Variants in WBP2NL observed in about 807,000 individuals in gnomAD.
WBP2NL encodes WBP2 N-terminal like.
In WBP2NL, 27 loss-of-function variants were observed where a neutral mutation model predicts 23.3. The ratio of observed to expected loss-of-function variants is 1.16; its 90% CI spans 0.85 to 1.60. The LOEUF (loss-of-function observed/expected upper bound fraction) is 1.60, where lower values mean the gene tolerates loss of function less well. Among genes scored for constraint, WBP2NL ranks in the 40% most tolerant of loss-of-function variants. The probability of loss-of-function intolerance (pLI) is 0.00; values close to 1 mark genes in which losing one functional copy is unlikely to be tolerated. For synonymous variants in WBP2NL, 151 were observed against 145.9 expected, an observed-to-expected ratio of 1.03 and a Z score of -0.25; for missense variants, 370 against 389.5, an observed-to-expected ratio of 0.95 and a Z score of 0.42.
chr22:41,999,422 G>T (rs1374025580), intron 1 of WBP2NL, among the ~76,000 whole-genome samples: 1 of 152,162 alleles, frequency 6.6e-6, no homozygotes, highest in Non-Finnish European at 1.5e-5. Context: ...CTTGGACCTG[G>T]AAACTTTCTA....
downstream of WBP2NL, among the ~76,000 whole-genome samples, chr22:42,029,743 T>C (rs368247942): frequency 6.6e-6 from 1 of 152,242 alleles, no homozygotes; most frequent in African/African-American, 2.4e-5. Flanking sequence ...TACATTTTCA[T>C]AGGTTTTGAA....
chr22:42,027,720 A>C lies in WBP2NL; in HGVS notation c.*539A>C. ...TTGAGGAGACCAAAACCAACAAATA[A>C]AAGCATGATAAATTGACTATATCAA... is the stretch of plus-strand genomic sequence containing the variant. On this transcript the variant is annotated 3_prime_UTR_variant, in exon 6 of 6. Transcript: ENST00000328823. The C allele has an allele frequency of 2.8e-6, 1 of 358,372 alleles. No homozygotes were observed. Among genetic ancestry groups the C allele is most frequent in the Non-Finnish European group, 5.0e-6 (1 of 201,992 alleles). The allele number at this position is 358,372 out of a possible 1,614,324, so 22.2% of individuals were successfully genotyped here.
chr22:42,022,218 A>T (rs1279301915), intron 4 of WBP2NL, 31 bp from the exon 5 acceptor site: 6 of 1,565,232 alleles, frequency 3.8e-6, no homozygotes, highest in Middle Eastern at 3.4e-4. Flanking sequence ...TAATTAAAAG[A>T]GTTCCTATTT....
At chr22:42,005,953 A>G (rs1602440274) in intron 1 of WBP2NL, among the ~76,000 whole-genome samples, 1 of 152,352 alleles carries the variant, frequency 6.6e-6, no homozygotes, top group Non-Finnish European at 1.5e-5. Context: ...ATGTCATGGC[A>G]ACAGTTTTTT....
chr22:42,033,384 G>C (rs61708402), downstream of WBP2NL, among the ~76,000 whole-genome samples: 3 of 152,214 alleles, frequency 2.0e-5, no homozygotes, highest in Non-Finnish European at 2.9e-5. Context: ...CCAAAGGGCT[G>C]CAGCTCTTCT....
At chr22:42,055,745 A>G (rs1294721899) in intron 8 of WBP2NL, among the ~76,000 whole-genome samples, 1 of 152,064 alleles carries the variant, frequency 6.6e-6, no homozygotes, top group Non-Finnish European at 1.5e-5. Flanking sequence ...GTGTAAAATT[A>G]TATCTTTTTT....
intron 1 of WBP2NL, among the ~76,000 whole-genome samples, chr22:42,000,407 T>C (rs988522175): frequency 1.3e-5 from 2 of 152,182 alleles, no homozygotes; most frequent in African/African-American, 4.8e-5. Context: ...CATTCCATGG[T>C]GTGAAGCCTT....
At chr22:42,001,992 G>T in intron 1 of WBP2NL, 2 of 966,940 alleles carry the variant, frequency 2.1e-6, no homozygotes, top group Non-Finnish European at 2.9e-6. Context: ...AGGCTGCTGT[G>T]GGATGGGACT....
intron 8 of WBP2NL, among the ~76,000 whole-genome samples, chr22:42,053,814 T>C (rs1480904636): frequency 6.6e-6 from 1 of 152,218 alleles, no homozygotes; most frequent in South Asian, 2.1e-4. Flanking sequence ...TTTGGAGATA[T>C]GTCTATTCAA....
chr22:42,049,476 G>A (rs1443428483), intron 8 of WBP2NL, among the ~76,000 whole-genome samples: 1 of 152,020 alleles, frequency 6.6e-6, no homozygotes, highest in Non-Finnish European at 1.5e-5. Context: ...GGATCACGAG[G>A]TCAGGAGATT....
downstream of WBP2NL, among the ~76,000 whole-genome samples, chr22:42,035,138 G>C (rs1181797369): frequency 3.9e-5 from 6 of 152,248 alleles, no homozygotes; most frequent in African/African-American, 1.2e-4. Flanking sequence ...CTGCAGTAAA[G>C]ACAGGCATAA....
At chr22:42,035,815 T>A (rs1458638825), downstream of WBP2NL, among the ~76,000 whole-genome samples, 2 of 152,134 alleles carry the variant, frequency 1.3e-5, no homozygotes. Flanking sequence ...CATCCTCCAT[T>A]TCCCCCTCTT....
chr22:42,003,068 A>T (rs1182983753), intron 1 of WBP2NL: 1 of 152,452 alleles, frequency 6.6e-6, no homozygotes, highest in Non-Finnish European at 1.5e-5. Flanking sequence ...GAGGCAGGAG[A>T]ATCGCTTGAA....
chr22:42,009,714 A>C (rs1922631609), intron 1 of WBP2NL, among the ~76,000 whole-genome samples: 1 of 152,138 alleles, frequency 6.6e-6, no homozygotes, highest in East Asian at 1.9e-4. Context: ...TGGTTACTGT[A>C]GCTTTGTAAT....
chr22:42,045,821 A>G lies in WBP2NL; in HGVS notation c.*274-12469A>G, dbSNP rs5751207. Among the ~76,000 whole-genome samples, 418 of 152,352 alleles carry G rather than the reference A, an allele frequency of 2.7e-3. 18 individuals carry two copies. In the East Asian group the frequency reaches 0.059, roughly 22 times the overall value. ...GACTTGCATGGTTCATTAAAGTTCA[A>G]ATTATAACTGATTTACATTTTCAAC... On this transcript the variant is annotated intron_variant and NMD_transcript_variant, in intron 8 of 8. Transcript: ENST00000436265.
chr22:42,034,062 C>T (rs1374225352), downstream of WBP2NL, among the ~76,000 whole-genome samples: 1 of 152,248 alleles, frequency 6.6e-6, no homozygotes, highest in Non-Finnish European at 1.5e-5. Flanking sequence ...CTGCCCTCAG[C>T]TCCCCTCAGT....
downstream of WBP2NL, among the ~76,000 whole-genome samples, chr22:42,034,717 G>T (rs1237219007): frequency 6.6e-6 from 1 of 152,168 alleles, no homozygotes; most frequent in Non-Finnish European, 1.5e-5. Context: ...ACGCCCCGGG[G>T]GGGCCAGTTC....
chr22:42,053,995 A>G (rs897161661), intron 8 of WBP2NL, among the ~76,000 whole-genome samples: 4 of 151,956 alleles, frequency 2.6e-5, no homozygotes, highest in Admixed American at 1.3e-4. Flanking sequence ...AGGTCTTACT[A>G]TGTTGCTCAG....
In WBP2NL at chr22:42,027,252, G is replaced by C. The variant is rs1924599633; in HGVS notation, c.*71G>C. ...CCTAAAATTGAAGTCAGGATAAGGA[G>C]GACGACTCAGGTATGTGATCACAGG... On this transcript the variant is annotated 3_prime_UTR_variant, in exon 6 of 6. Transcript: ENST00000328823. The C allele has an allele frequency of 2.0e-6, 3 of 1,514,156 alleles. No individual in the cohort carries two copies. Among genetic ancestry groups the C allele is most frequent in the Non-Finnish European group, 2.6e-6 (3 of 1,133,490 alleles). The allele number at this position is 1,514,156 out of a possible 1,614,324, so 93.8% of individuals were successfully genotyped here.
Sources: gnomAD v4.1 joint callset for allele counts (sites outside exome capture counted in the v4.1 genomes callset) on GRCh38, gnomAD v4.1.1 for gene constraint, MANE v1.5 for transcripts, NCBI Gene and HGNC (gene_info 2026-07-23, HGNC 2026-07-21) for gene names.